The following ZBTB45 variants were observed in gnomAD, a reference collection of about 807,000 sequenced individuals.
The protein encoded by ZBTB45 is zinc finger and BTB domain containing 45.
Under a neutral mutation model 28.4 loss-of-function variants are expected in ZBTB45, and 22 were observed. The ratio of observed to expected loss-of-function variants is 0.77; its 90% CI spans 0.55 to 1.10. ZBTB45 has a LOEUF of 1.10. Ranked by LOEUF, ZBTB45 falls within the 50% of genes least tolerant of loss-of-function variation. The pLI is 0.00. For synonymous variants in ZBTB45, 361 were observed against 332.3 expected, an observed-to-expected ratio of 1.09 and a Z score of -0.94; for missense variants, 656 against 750.2, an observed-to-expected ratio of 0.87 and a Z score of 1.47.
At chr19:58,537,842 T>C (rs960975886) in intron 1 of ZBTB45, among the ~76,000 whole-genome samples, 1 of 125,544 alleles carries the variant, frequency 8.0e-6, no homozygotes, top group African/African-American at 3.2e-5. Context: ...AAATATTCCT[T>C]TTTTTTTTTT....
chr19:58,536,396 G>C (rs1389799908), intron 1 of ZBTB45, among the ~76,000 whole-genome samples: 2 of 151,792 alleles, frequency 1.3e-5, no homozygotes, highest in East Asian at 3.9e-4. Flanking sequence ...AACCCGGGAG[G>C]CGGAGTTTGC....
In ZBTB45 at chr19:58,516,373, C is replaced by T; in HGVS notation, c.1279+22G>A. The T allele has an allele frequency of 1.2e-6, 2 of 1,613,736 alleles. No individual in the cohort carries two copies. The highest frequency in any genetic ancestry group is 1.3e-5 in the African/African-American group (1 of 75,036). ...ACTCTCCGATGAGAGATTGCTCCCT[C>T]TCCTCCCCCGCCCTGGCTCACCCGA... On this transcript the variant is annotated intron_variant, in intron 2 of 2. Transcript: ENST00000594051. The surrounding 1 kb of genome is among the most constrained non-coding windows in gnomAD (Gnocchi z 6.2).
At chr19:58,526,153 A>G (rs963090168) in intron 1 of ZBTB45, among the ~76,000 whole-genome samples, 2 of 152,206 alleles carry the variant, frequency 1.3e-5, no homozygotes, top group African/African-American at 4.8e-5. Flanking sequence ...GTTCCAGACC[A>G]GCCTGACCTC....
chr19:58,517,292 G>T lies in ZBTB45; in HGVS notation c.382C>A (p.Pro128Thr). The change falls in exon 2 of 3, where the codon CCG becomes ACG. Residue 128 changes from proline (P) to threonine (T), a missense_variant. Physicochemically the swap from Pro to Thr is conservative, Grantham distance 38 (BLOSUM62 -1). This residue lies in a region of ZBTB45 where 448 missense variants were observed against 444.3 expected (regional missense o/e 1.01). Transcript: ENST00000594051. ...CTQIIARARAPGTSAPTPLPT... is the reference protein window; with the variant it reads ...CTQIIARARATGTSAPTPLPT... ...AGGGGCGTGGGCGCAGAGGTGCCCGGGGCTCGAGCGCGGGCGATAATCTGC... is the reference window on the plus strand; with the variant it reads ...AGGGGCGTGGGCGCAGAGGTGCCCGTGGCTCGAGCGCGGGCGATAATCTGC... 6.2e-7 allele frequency: 1 copy of T among 1,601,388 alleles called. No homozygotes were observed.
At chr19:58,526,592 C>T (rs1252972201) in intron 1 of ZBTB45, among the ~76,000 whole-genome samples, 1 of 134,634 alleles carries the variant, frequency 7.4e-6, no homozygotes, top group African/African-American at 2.7e-5. Flanking sequence ...AGTGCAGTGG[C>T]GGGATCTCGG....
At chr19:58,537,038 G>A (rs1333551030) in intron 1 of ZBTB45, among the ~76,000 whole-genome samples, 1 of 152,104 alleles carries the variant, frequency 6.6e-6, no homozygotes, top group Non-Finnish European at 1.5e-5. Context: ...CAACCAAGGT[G>A]CACTAGCGTC....
In ZBTB45 at chr19:58,513,780, G is replaced by T; in HGVS notation, c.*274C>A. 2.7e-6 allele frequency: 1 copy of T among 376,580 alleles called. No homozygotes were observed. Among genetic ancestry groups the T allele is most frequent in the Non-Finnish European group, 4.7e-6 (1 of 214,926 alleles). 23.3% of individuals were successfully genotyped at this position (376,580 alleles called of 1,614,324 possible). On this transcript the variant is annotated 3_prime_UTR_variant, in exon 3 of 3. Transcript: ENST00000594051. ...AATCTTGGGCCGGGTCCAAGCGCCT[G>T]AGCGCCCGGTTTACGCAGGAAATAG... is the stretch of plus-strand genomic sequence containing the variant.
rs2053474816 is a variant in ZBTB45 at position 58,515,126 on chromosome 19, A to G, written c.1280-816T>C. ...GATCGCTTGAGGCCAGGAGTTCGAG[A>G]CCAACGTGGTGAAACCCCATCTCTA... On this transcript the variant is annotated intron_variant, in intron 2 of 2. Coordinates refer to ENST00000594051, the MANE Select transcript of ZBTB45 (RefSeq NM_001316979.2). The surrounding 1 kb of genome is among the most constrained non-coding windows in gnomAD (Gnocchi z 4.7). Among the ~76,000 whole-genome samples the G allele has an allele frequency of 1.3e-5, 2 of 151,942 alleles. No individual in the cohort carries two copies. The highest frequency in any genetic ancestry group is 4.1e-4 in the South Asian group (2 of 4,822).
upstream of ZBTB45, among the ~76,000 whole-genome samples, chr19:58,520,851 G>A (rs1271091049): frequency 6.6e-6 from 1 of 151,404 alleles, no homozygotes; most frequent in African/African-American, 2.4e-5. Context: ...AGGAGATCGA[G>A]ACCATCCTGA....
chr19:58,532,388 A>T (rs750668946), intron 1 of ZBTB45, among the ~76,000 whole-genome samples: 3 of 152,180 alleles, frequency 2.0e-5, no homozygotes, highest in Non-Finnish European at 4.4e-5. Flanking sequence ...GCAGAGGAGA[A>T]AATAACGTAA....
rs1472938887 is a variant in ZBTB45 at position 58,517,534 on chromosome 19, T to C, written c.140A>G (p.His47Arg). The C allele has an allele frequency of 6.2e-7, 1 of 1,613,388 alleles. No individual in the cohort carries two copies. Among genetic ancestry groups the C allele is most frequent in the Non-Finnish European group, 8.5e-7 (1 of 1,179,972 alleles). ...VRIREASLRA[H>R]RCVLAAGSPF... The stretch of plus-strand genomic sequence containing the variant: ...TGAGCCGGCCGCCAGCACGCAGCGG[T>C]GGGCACGCAGCGAAGCTTCACGAAT... The change falls in exon 2 of 3, where the codon CAC becomes CGC. Residue 47 changes from histidine to arginine, a missense_variant. Around this residue, in one of 3 missense-constraint regions of ZBTB45, gnomAD observed 105 missense variants for 152.4 expected, o/e 0.69. Transcript: ENST00000594051.
intron 1 of ZBTB45, among the ~76,000 whole-genome samples, chr19:58,535,690 A>G (rs1415074124): frequency 6.6e-6 from 1 of 152,194 alleles, no homozygotes; most frequent in African/African-American, 2.4e-5. Context: ...TCAATTACCA[A>G]AAACAAACAA....
Position 58,517,433 on chromosome 19 carries a change from G to A in ZBTB45, c.241C>T (p.Arg81Ter), listed in dbSNP as rs140420062. 3.1e-6 allele frequency: 5 copies of A among 1,612,848 alleles called. No individual in the cohort carries two copies. Among genetic ancestry groups the A allele is most frequent in the South Asian group, 1.1e-5 (1 of 91,084 alleles). ...CTGTACAGGAACTCTACCAGCTGTC[G>A]CACTGTCTGCGCGGGCACCACCGGA... ...VPPVVPAQTVRQLVEFLYSGS... is the reference protein window; with the variant it reads ...VPPVVPAQTV Residue 81 changes from arginine (R) to a stop codon, truncating the protein, a stop_gained, in exon 2 of 3, where the codon CGA (arginine) becomes TGA (stop). Transcript: ENST00000594051. LOFTEE classifies it high-confidence loss of function.
At chr19:58,520,010 C>CTG (rs1468169936), upstream of ZBTB45, 1 of 152,282 alleles carries the variant, frequency 6.6e-6, no homozygotes, top group Admixed American at 6.5e-5. Flanking sequence ...AGCACTCTTC[C>CTG]GGCGTCGCCC....
intron 1 of ZBTB45, among the ~76,000 whole-genome samples, chr19:58,535,398 GCTGAGGCAGGTGGATCAC>G (rs2053655220): frequency 6.6e-6 from 1 of 151,854 alleles, no homozygotes; most frequent in African/African-American, 2.4e-5. Flanking sequence ...ACTTTGGGAG[GCTGAGGCAGGTGGATCAC>G]CTGAGATCAG....
At chr19:58,528,684 G>A (rs1170649321) in intron 1 of ZBTB45, among the ~76,000 whole-genome samples, 1 of 152,080 alleles carries the variant, frequency 6.6e-6, no homozygotes, top group East Asian at 1.9e-4. Context: ...CACGAGGTCA[G>A]GAGATCGAGA....
rs1345926953 is a variant in ZBTB45 at position 58,517,157 on chromosome 19, G to T, written c.517C>A (p.Gln173Lys). 6.2e-7 allele frequency: 1 copy of T among 1,611,540 alleles called. No homozygotes were observed. The highest frequency in any genetic ancestry group is 1.7e-5 in the Admixed American group (1 of 59,950). The change falls in exon 2 of 3, where the codon CAG (glutamine) becomes AAG (lysine). Residue 173 changes from glutamine to lysine, a missense_variant. By Grantham distance (53) the Gln-to-Lys change is moderately conservative (BLOSUM62 1). Around this residue, in one of 3 missense-constraint regions of ZBTB45, gnomAD observed 448 missense variants for 444.3 expected, o/e 1.01. Coordinates refer to ENST00000594051, the MANE Select transcript of ZBTB45 (RefSeq NM_001316979.2). The stretch of plus-strand genomic sequence containing the variant: ...AGCTGCAAACGCGCGGGCTGGCGCT[G>T]CTTACGGCTGTGTGCAGCACCGGGG... ...GHPGAAHSRK[Q>K]RQPARLQLPA...
chr19:58,524,930 G>T (rs2053600078), intron 1 of ZBTB45, among the ~76,000 whole-genome samples: 1 of 152,032 alleles, frequency 6.6e-6, no homozygotes, highest in African/African-American at 2.4e-5. Context: ...CAAGGCCTGA[G>T]ATGGGAAATG....
At chr19:58,514,845 C>T (rs560523012) in intron 2 of ZBTB45, among the ~76,000 whole-genome samples, 2 of 152,268 alleles carry the variant, frequency 1.3e-5, no homozygotes. Flanking sequence ...TCTGACAAGG[C>T]CAGTGCCCTT....
Sources: allele counts gnomAD v4.1 joint callset (sites outside exome capture counted in the v4.1 genomes callset), GRCh38; gene constraint gnomAD v4.1.1; regional missense constraint gnomAD v4.1.1; non-coding constraint Gnocchi (gnomAD v3.1); transcripts MANE v1.5; gene names NCBI Gene and HGNC (gene_info 2026-07-23, HGNC 2026-07-21).